CNTNAP4: variants seen among roughly 807,000 people sequenced by gnomAD.
CNTNAP4 encodes contactin associated protein family member 4.
A neutral mutation model predicts 148.4 loss-of-function variants in CNTNAP4; 98 were observed. The observed-to-expected ratio is 0.66, with a 90% CI of 0.56 to 0.78. The LOEUF (loss-of-function observed/expected upper bound fraction) is 0.78. CNTNAP4 is among the 30% of genes least tolerant of loss of function. The pLI is 0.00. For missense variants in CNTNAP4, 1,935 were observed against 1,565.6 expected, an observed-to-expected ratio of 1.24 and a Z score of -3.98; for synonymous variants, 730 against 565.1, an observed-to-expected ratio of 1.29 and a Z score of -4.14.
chr16:76,358,433 C>A (rs1300133012), intron 3 of CNTNAP4, among the ~76,000 whole-genome samples: 2 of 152,172 alleles, frequency 1.3e-5, no homozygotes, highest in Non-Finnish European at 2.9e-5. Context: ...ATATTAGATA[C>A]AGATTCCTAA....
At chr16:76,519,652 G>A (rs1056260792) in intron 15 of CNTNAP4, among the ~76,000 whole-genome samples, 1 of 152,050 alleles carries the variant, frequency 6.6e-6, no homozygotes, top group Non-Finnish European at 1.5e-5. Context: ...ACATTTTCTT[G>A]CATTTATTTT....
At chr16:76,370,693 C>A (rs13337284) in intron 3 of CNTNAP4, among the ~76,000 whole-genome samples, 7,692 of 152,192 alleles carry the variant, frequency 0.051, 630 homozygotes, top group African/African-American at 0.17. Flanking sequence ...ATGTTACTAA[C>A]GACAAATTGC....
At chr16:76,459,888 A>C (rs1281131019) in intron 8 of CNTNAP4, among the ~76,000 whole-genome samples, 1 of 152,170 alleles carries the variant, frequency 6.6e-6, no homozygotes, top group Non-Finnish European at 1.5e-5. Flanking sequence ...AAGTCTATGC[A>C]TTCTGATGGA....
intron 8 of CNTNAP4, among the ~76,000 whole-genome samples, chr16:76,460,558 G>A (rs1377205033): frequency 1.4e-5 from 2 of 145,924 alleles, no homozygotes; most frequent in African/African-American, 2.5e-5. Flanking sequence ...TCAGGAGATC[G>A]AGACCATCCT....
At chr16:76,556,093 C>A (rs910336066) in intron 23 of CNTNAP4, among the ~76,000 whole-genome samples, 3 of 152,132 alleles carry the variant, frequency 2.0e-5, no homozygotes, top group Admixed American at 6.6e-5. Flanking sequence ...TCCAAATTGG[C>A]TAATCCCCCT....
intron 1 of CNTNAP4, 177 bp from the exon 2 acceptor site, chr16:76,316,236 C>T: frequency 6.4e-6 from 4 of 626,038 alleles, no homozygotes; most frequent in Admixed American, 5.4e-5. Context: ...TAAGTTTTTT[C>T]TTTTCTCATT....
chr16:76,316,471 C>G lies in CNTNAP4; in HGVS notation c.144C>G (p.Ser48=), dbSNP rs115569134. Residue 48 remains serine (S), a synonymous_variant, in exon 2 of 24, where the codon TCC becomes TCG. Transcript: ENST00000611870. ...CTCAGGCATCCTTCAGCAGTTCTTC[C>G]GAGCTCTCCAGCAGTCATGGTCCTG... is the stretch of plus-strand genomic sequence containing the variant. ...ALPQASFSSS[S]ELSSSHGPGF... 1 of 1,613,734 alleles carries G rather than the reference C, an allele frequency of 6.2e-7. No individual in the cohort carries two copies. The highest frequency in any genetic ancestry group is 2.2e-5 in the East Asian group (1 of 44,878).
intron 21 of CNTNAP4, among the ~76,000 whole-genome samples, chr16:76,546,193 C>G (rs567533282): frequency 6.6e-6 from 1 of 152,048 alleles, no homozygotes; most frequent in Non-Finnish European, 1.5e-5. Flanking sequence ...GAACATGGAA[C>G]CTGTGAAGTG....
chr16:76,521,976 T>C (rs1186124210), intron 16 of CNTNAP4, 63 bp from the exon 17 acceptor site: 6 of 1,422,774 alleles, frequency 4.2e-6, no homozygotes, highest in Admixed American at 1.7e-5. Context: ...CCTAAGTATA[T>C]TGGAGACTCG....
intron 3 of CNTNAP4, among the ~76,000 whole-genome samples, chr16:76,417,180 A>G (rs56403930): frequency 0.033 from 5,033 of 151,552 alleles, 242 homozygotes; most frequent in African/African-American, 0.11. Flanking sequence ...TTTAATTGGT[A>G]TATTTAGATT....
chr16:76,371,025 C>T (rs28410012), intron 3 of CNTNAP4, among the ~76,000 whole-genome samples: 7,674 of 152,144 alleles, frequency 0.05, 629 homozygotes, highest in African/African-American at 0.17. Context: ...AATGCTGAAC[C>T]ATTGGTTTAG....
chr16:76,365,756 A>AAAG (rs2144585928), intron 3 of CNTNAP4, among the ~76,000 whole-genome samples: 1 of 113,450 alleles, frequency 8.8e-6, no homozygotes, highest in African/African-American at 2.9e-5. Flanking sequence ...CGTCTCAAAA[A>AAAG]AAAAAAAAAA....
At chr16:76,550,647 T>C (rs2084918980) in intron 21 of CNTNAP4, among the ~76,000 whole-genome samples, 1 of 148,036 alleles carries the variant, frequency 6.8e-6, no homozygotes, top group Non-Finnish European at 1.5e-5. Context: ...TTAATTTTTA[T>C]TTTCTTTTTA....
At chr16:76,429,743 G>C (rs1340609460) in intron 4 of CNTNAP4, among the ~76,000 whole-genome samples, 4 of 152,094 alleles carry the variant, frequency 2.6e-5, no homozygotes, top group Non-Finnish European at 4.4e-5. Context: ...CACCTGTCTT[G>C]ATCTGCAGCT....
chr16:76,496,860 G>A (rs1309823328), intron 14 of CNTNAP4, among the ~76,000 whole-genome samples: 1 of 152,174 alleles, frequency 6.6e-6, no homozygotes, highest in Admixed American at 6.5e-5. Context: ...TTGGGGTACT[G>A]ATGTTTGAAT....
rs943604219 is a variant in CNTNAP4 at position 76,279,949 on chromosome 16, A to G, written c.85+2202A>G. Among the ~76,000 whole-genome samples the G allele has an allele frequency of 2.6e-5, 4 of 152,188 alleles. No individual in the cohort carries two copies. In the South Asian group the frequency reaches 8.3e-4, roughly 32 times the overall value. ...TCATCCTTTTTGGAAGGACAAGTGT[A>G]TATATATTTCCCAGCAAGACTGGAA... On this transcript the variant is annotated intron_variant, in intron 1 of 23. Transcript: ENST00000611870.
chr16:76,405,882 C>G (rs1056725866), intron 3 of CNTNAP4, among the ~76,000 whole-genome samples: 1 of 151,816 alleles, frequency 6.6e-6, no homozygotes, highest in Non-Finnish European at 1.5e-5. Flanking sequence ...CATAATCAAT[C>G]TCAATTACTA....
At chr16:76,451,737 T>C (rs942912545) in intron 7 of CNTNAP4, among the ~76,000 whole-genome samples, 5 of 151,792 alleles carry the variant, frequency 3.3e-5, no homozygotes, top group African/African-American at 1.2e-4. Context: ...ATCCAAATGA[T>C]GCATAAGATC....
chr16:76,420,681 C>A (rs1027173499), intron 3 of CNTNAP4, among the ~76,000 whole-genome samples: 3 of 151,798 alleles, frequency 2.0e-5, no homozygotes, highest in East Asian at 1.9e-4. Context: ...TGACCAAAAA[C>A]AACAACAACA....
Sources: allele counts gnomAD v4.1 joint callset (sites outside exome capture counted in the v4.1 genomes callset), GRCh38; gene constraint gnomAD v4.1.1; transcripts MANE v1.5; gene names NCBI Gene and HGNC (gene_info 2026-07-23, HGNC 2026-07-21).